Variants in PIWIL1 observed in about 807,000 individuals in gnomAD.
The protein encoded by PIWIL1 is piwi like RNA-mediated gene silencing 1, also known as piwi-like protein 1.
PIWIL1 carries 73 observed loss-of-function variants against 114.4 expected under a neutral mutation model. That is an observed-to-expected ratio of 0.64 (90% CI 0.53 to 0.78). PIWIL1 has a LOEUF of 0.78. Among genes scored for constraint, PIWIL1 ranks in the 30% least tolerant of loss-of-function variants. The pLI, the probability that PIWIL1 is intolerant of heterozygous loss-of-function variation, is 0.00. For missense variants in PIWIL1, 723 were observed against 1,063.1 expected, an observed-to-expected ratio of 0.68 and a Z score of 4.45; for synonymous variants, 375 against 369.0, an observed-to-expected ratio of 1.02 and a Z score of -0.19.
chr12:130,339,374 GTTT>G (rs2072833032), intron 1 of PIWIL1: 1 of 152,254 alleles, frequency 6.6e-6, no homozygotes, highest in African/African-American at 2.4e-5. Flanking sequence ...TTTTCTTTTC[GTTT>G]TTAAGTTGTG....
chr12:130,348,306 G>A (rs1482409779), intron 7 of PIWIL1, 123 bp downstream of exon 7: 2 of 585,088 alleles, frequency 3.4e-6, no homozygotes, highest in African/African-American at 3.8e-5. Flanking sequence ...CACATTATGT[G>A]ACTATTTAAC....
chr12:130,402,991 A>G, the PIWIL1 span, among the ~76,000 whole-genome samples: 1 of 152,194 alleles, frequency 6.6e-6, no homozygotes, highest in Non-Finnish European at 1.5e-5. Context: ...AAAGGAGGAA[A>G]AGGCCAGGGA....
In PIWIL1 at chr12:130,368,505, CA is replaced by C. The variant is rs760846400; in HGVS notation, c.2321+1248del. Among the ~76,000 whole-genome samples, 5 of 152,008 alleles carry C rather than the reference CA, an allele frequency of 3.3e-5. 1 individual carries two copies. In the South Asian group the frequency reaches 6.2e-4, roughly 19 times the overall value. On this transcript the variant is annotated intron_variant, in intron 19 of 20. Coordinates refer to ENST00000245255, the MANE Select transcript of PIWIL1 (RefSeq NM_004764.5). ...CTTGGATTTCTGTCTTTTTCTCAGACAGATGTTATGGCATTGGCTTAGGTTA... is the reference window on the plus strand; with the variant it reads ...CTTGGATTTCTGTCTTTTTCTCAGACGATGTTATGGCATTGGCTTAGGTTA...
chr12:130,349,844 A>C lies in PIWIL1; in HGVS notation c.933-12A>C. The C allele has an allele frequency of 1.4e-6, 2 of 1,445,688 alleles. No individual in the cohort carries two copies. Among genetic ancestry groups the C allele is most frequent in the South Asian group, 1.2e-5 (1 of 83,910 alleles). The allele number at this position is 1,445,688 out of a possible 1,614,324, so 89.6% of individuals were successfully genotyped here. A position where few individuals can be genotyped will look rare whatever the true frequency, so the allele number is the denominator to read the frequency against. ...TTCCATCAAATGCAGTCAAATCTCA[A>C]CTGATCCCTAGGTATAACAATAAGA... On this transcript the variant is annotated splice_polypyrimidine_tract_variant and intron_variant, in intron 8 of 20. Transcript: ENST00000245255.
At chr12:130,338,347 G>T (rs1327460912) in intron 1 of PIWIL1, 1 of 209,998 alleles carries the variant, frequency 4.8e-6, no homozygotes, top group African/African-American at 4.0e-5. Context: ...CGGGGGCGAG[G>T]TCCCAGGTGT....
At chr12:130,400,848 G>A in the PIWIL1 span, among the ~76,000 whole-genome samples, 2 of 152,184 alleles carry the variant, frequency 1.3e-5, no homozygotes, top group African/African-American at 4.8e-5. Flanking sequence ...CAGTCACCAC[G>A]AATCTCCAGG....
chr12:130,339,579 A>G (rs372677181), intron 1 of PIWIL1: 6 of 152,354 alleles, frequency 3.9e-5, no homozygotes, highest in Non-Finnish European at 7.3e-5. Flanking sequence ...GGAAGCACAC[A>G]CTTGCTTTCT....
chr12:130,345,998 CTCACTT>C, intron 4 of PIWIL1, 120 bp downstream of exon 4: 2 of 1,041,486 alleles, frequency 1.9e-6, no homozygotes, highest in South Asian at 3.6e-5. Flanking sequence ...TTCGATTTTC[CTCACTT>C]TCTTTTGGCG....
At chr12:130,419,104 G>A in the PIWIL1 span, among the ~76,000 whole-genome samples, 39 of 152,318 alleles carry the variant, frequency 2.6e-4, no homozygotes, top group African/African-American at 7.5e-4. This position sits in a 1 kb window ranked among gnomAD's most constrained non-coding sequence, Gnocchi z 4.3. Context: ...ACCAAACCTC[G>A]ACAGGGAAAG....
chr12:130,344,612 G>A (rs1402948968), intron 3 of PIWIL1, among the ~76,000 whole-genome samples: 1 of 152,186 alleles, frequency 6.6e-6, no homozygotes. Flanking sequence ...AGGCAGTTCT[G>A]GTGTTTGTGG....
chr12:130,414,373 G>A, the PIWIL1 span: 10 of 1,471,224 alleles, frequency 6.8e-6, no homozygotes, highest in Non-Finnish European at 3.7e-6. Context: ...CACGGGAAAT[G>A]CAGCTTTGGA....
In PIWIL1 at chr12:130,362,847, T is replaced by G; in HGVS notation, c.2041+11T>G. ...AAGTCTGCCTGCAAGGTTAGTCACC[T>G]GTGGGGTTGCCATTCTACTCTCTAA... is the stretch of plus-strand genomic sequence containing the variant. On this transcript the variant is annotated intron_variant, in intron 17 of 20. Transcript: ENST00000245255. 1 of 1,613,532 alleles carries G rather than the reference T, an allele frequency of 6.2e-7. No individual in the cohort carries two copies. The highest frequency in any genetic ancestry group is 2.2e-5 in the East Asian group (1 of 44,884).
chr12:130,418,210 C>CT, the PIWIL1 span, among the ~76,000 whole-genome samples: 3 of 152,216 alleles, frequency 2.0e-5, no homozygotes, highest in Non-Finnish European at 4.4e-5. Context: ...GATTCAGAGT[C>CT]TTTTTTGAAT....
chr12:130,356,332 C>T (rs1016798405), intron 12 of PIWIL1, among the ~76,000 whole-genome samples: 3 of 149,658 alleles, frequency 2.0e-5, no homozygotes, highest in Non-Finnish European at 4.4e-5. Flanking sequence ...TTGAAATGTC[C>T]TGTGAACAGT....
At chr12:130,414,004 T>C in the PIWIL1 span, 5 of 1,075,560 alleles carry the variant, frequency 4.6e-6, no homozygotes, top group Non-Finnish European at 6.9e-6. Context: ...CTCCCGTGCC[T>C]CGCCCATGGC....
the PIWIL1 span, among the ~76,000 whole-genome samples, chr12:130,421,841 TG>T: frequency 2.6e-5 from 4 of 152,230 alleles, no homozygotes; most frequent in South Asian, 8.3e-4. Flanking sequence ...TCCCCCTCCA[TG>T]GATTGATTAG....
Position 130,348,115 on chromosome 12 carries a change from C to T in PIWIL1, c.666C>T (p.Ile222=). 6.3e-7 allele frequency: 1 copy of T among 1,599,274 alleles called. No homozygotes were observed. Among genetic ancestry groups the T allele is most frequent in the Non-Finnish European group, 8.6e-7 (1 of 1,167,664 alleles). ...TTTCCATTTCTAGGCTTTTGAAAAT[C>T]ATGAATTTGCAACAAATTGGACGAA... is the stretch of plus-strand genomic sequence containing the variant. ...YNIIFRRLLK[I]MNLQQIGRNY... The change falls in exon 7 of 21, where the codon ATC becomes ATT. Residue 222 remains isoleucine, a synonymous_variant. Coordinates refer to ENST00000245255, the MANE Select transcript of PIWIL1 (RefSeq NM_004764.5).
At chr12:130,424,591 C>T in the PIWIL1 span, 141 of 1,231,958 alleles carry the variant, frequency 1.1e-4, 1 homozygote, top group East Asian at 3.0e-3. The surrounding 1 kb of genome is among the most constrained non-coding windows in gnomAD (Gnocchi z 9.8). Context: ...ACGTGGGGGA[C>T]GGCCCCCGAG....
In PIWIL1 at chr12:130,343,088, A is replaced by G. The variant is rs1417435444; in HGVS notation, c.177A>G (p.Thr59=). 3.7e-6 allele frequency: 6 copies of G among 1,612,890 alleles called. No homozygotes were observed. Among genetic ancestry groups the G allele is most frequent in the Non-Finnish European group, 5.1e-6 (6 of 1,179,122 alleles). ...GGCAGAGAGGAACAGCAGGAGGAAC[A>G]GCCAAGTCACAAGGTGAAGAGAAAG... ...RGRQRGTAGG[T]AKSQGLQISA... is the part of the protein sequence containing the mutation. Residue 59 remains threonine, a synonymous_variant, in exon 3 of 21, where the codon ACA becomes ACG. Transcript: ENST00000245255.
Sources: gnomAD v4.1 joint callset for allele counts (sites outside exome capture counted in the v4.1 genomes callset) on GRCh38, gnomAD v4.1.1 for gene constraint, Gnocchi (gnomAD v3.1) non-coding constraint, MANE v1.5 for transcripts, NCBI Gene and HGNC (gene_info 2026-07-23, HGNC 2026-07-21) for gene names.